CCM2: variants seen among roughly 807,000 people sequenced by gnomAD.
The protein encoded by CCM2 is cerebral cavernous malformations 2 protein.
A neutral mutation model predicts 44.9 loss-of-function variants in CCM2; 25 were observed. The observed-to-expected ratio is 0.56, with a 90% CI of 0.41 to 0.78. The LOEUF is 0.78. Among genes scored for constraint, CCM2 ranks in the 30% least tolerant of loss-of-function variants. The probability of loss-of-function intolerance (pLI) is 0.00; values close to 1 mark genes in which losing one functional copy is unlikely to be tolerated. For missense variants in CCM2, 481 were observed against 580.6 expected (o/e 0.83, Z 1.76); for synonymous variants, 219 against 241.1 (o/e 0.91, Z 0.85).
chr7:45,010,137 C>T (rs984977745), intron 1 of CCM2, among the ~76,000 whole-genome samples: 2 of 152,106 alleles, frequency 1.3e-5, no homozygotes, highest in African/African-American at 4.8e-5. Context: ...TCTTGAATTC[C>T]TGGGCTTAAG....
intron 2 of CCM2, among the ~76,000 whole-genome samples, chr7:45,060,737 A>C (rs558795414): frequency 6.6e-6 from 1 of 152,224 alleles, no homozygotes; most frequent in Non-Finnish European, 1.5e-5. Context: ...TGTTGAAGGC[A>C]GTCCCCATTG....
intron 1 of CCM2, among the ~76,000 whole-genome samples, chr7:45,002,266 T>A (rs1795668814): frequency 6.6e-6 from 1 of 152,194 alleles, no homozygotes; most frequent in Admixed American, 6.5e-5. Flanking sequence ...TCTTCTAAGT[T>A]AGCTTCTTCA....
intron 2 of CCM2, among the ~76,000 whole-genome samples, chr7:45,049,916 TAAC>T (rs1482025889): frequency 6.6e-6 from 1 of 152,230 alleles, no homozygotes; most frequent in Non-Finnish European, 1.5e-5. Context: ...AAATACAGTG[TAAC>T]AACTATTTAC....
chr7:45,073,430 C>T (rs1799182668), intron 7 of CCM2, 30 bp from the exon 8 acceptor site: 5 of 1,551,348 alleles, frequency 3.2e-6, no homozygotes, highest in Non-Finnish European at 3.6e-6. Context: ...TCGGGGAAGC[C>T]ACCCGCTCAC....
At chr7:45,023,820 T>TTTTTTTG (rs1562868388) in intron 1 of CCM2, among the ~76,000 whole-genome samples, 2 of 145,432 alleles carry the variant, frequency 1.4e-5, no homozygotes, top group African/African-American at 5.1e-5. Context: ...TTTTTTTTTT[T>TTTTTTTG]TTTTTATGAG....
chr7:45,006,510 A>T (rs1168955129), intron 1 of CCM2, among the ~76,000 whole-genome samples: 7 of 151,726 alleles, frequency 4.6e-5, no homozygotes, highest in African/African-American at 1.7e-4. Context: ...CACCTGGCTA[A>T]TTTTTTTGTA....
intron 1 of CCM2, among the ~76,000 whole-genome samples, chr7:45,029,915 A>G (rs1449071028): frequency 6.6e-6 from 1 of 152,242 alleles, no homozygotes; most frequent in Non-Finnish European, 1.5e-5. Context: ...TTAACTTTGT[A>G]AGAATTTGTA....
At chr7:45,038,037 G>T (rs757990475) in intron 1 of CCM2, among the ~76,000 whole-genome samples, 24 of 152,194 alleles carry the variant, frequency 1.6e-4, no homozygotes, top group Non-Finnish European at 2.4e-4. Context: ...GCCAGAGGCT[G>T]CATGGCAGCC....
Position 45,004,522 on chromosome 7 carries a change from G to A in CCM2, c.30+4159G>A, listed in dbSNP as rs185656543. On this transcript the variant is annotated intron_variant, in intron 1 of 9. Transcript: ENST00000258781. The stretch of plus-strand genomic sequence containing the variant: ...TAGTCACTGCTGGACCAGTGTCTGT[G>A]AGGAACTGAAAGCTTGGATTGGACC... Among the ~76,000 whole-genome samples the A allele has an allele frequency of 2.7e-3, 414 of 152,246 alleles. 1 individual carries two copies. The highest frequency in any genetic ancestry group is 4.9e-3 in the Non-Finnish European group (335 of 68,000).
rs1034481190 is a variant in CCM2 at position 45,033,660 on chromosome 7, C to A, written c.31-4593C>A. On this transcript the variant is annotated intron_variant, in intron 1 of 9. Coordinates refer to ENST00000258781, the MANE Select transcript of CCM2 (RefSeq NM_031443.4). ...GTGGCTGATGTGAGATTATCCATGT[C>A]TGTGGAGATGCAAGCTTCCGAAAAG... Among the ~76,000 whole-genome samples, 3 of 152,190 alleles carry A rather than the reference C, an allele frequency of 2.0e-5. No homozygotes were observed. In the East Asian group the frequency reaches 5.8e-4, roughly 29 times the overall value.
At chr7:45,038,004 G>A (rs1797306252) in intron 1 of CCM2, among the ~76,000 whole-genome samples, 1 of 152,206 alleles carries the variant, frequency 6.6e-6, no homozygotes, top group South Asian at 2.1e-4. Context: ...TGTAGGAACA[G>A]GTGAAGAACA....
intron 1 of CCM2, among the ~76,000 whole-genome samples, chr7:45,008,680 T>G (rs993053558): frequency 3.3e-5 from 5 of 152,210 alleles, no homozygotes; most frequent in Admixed American, 6.5e-5. Flanking sequence ...ATGTTCTTAA[T>G]GAGATGCCTT....
intron 1 of CCM2, among the ~76,000 whole-genome samples, chr7:45,020,204 G>A (rs553957469): frequency 6.6e-6 from 1 of 152,110 alleles, no homozygotes; most frequent in South Asian, 2.1e-4. Context: ...TTCTTTCAAG[G>A]GTCATATAAA....
chr7:45,032,849 T>C (rs1681680323), intron 1 of CCM2, among the ~76,000 whole-genome samples: 1 of 152,034 alleles, frequency 6.6e-6, no homozygotes, highest in African/African-American at 2.4e-5. Context: ...GAGACCAGCC[T>C]GGCCAACATG....
At chr7:45,060,653 A>T (rs1225315717) in intron 2 of CCM2, among the ~76,000 whole-genome samples, 1 of 150,398 alleles carries the variant, frequency 6.6e-6, no homozygotes, top group African/African-American at 2.5e-5. Context: ...TTTGCTTTTC[A>T]TGTTTGGAAG....
intron 1 of CCM2, among the ~76,000 whole-genome samples, chr7:45,029,880 T>C (rs1364870931): frequency 6.6e-6 from 1 of 152,246 alleles, no homozygotes; most frequent in Non-Finnish European, 1.5e-5. Flanking sequence ...TTTCCAACTT[T>C]AAGAGTTGTT....
intron 1 of CCM2, among the ~76,000 whole-genome samples, chr7:45,007,190 T>A (rs988977656): frequency 3.3e-5 from 5 of 152,146 alleles, no homozygotes; most frequent in African/African-American, 7.2e-5. Context: ...CACAGCACAC[T>A]CTTTGTGGTT....
intron 2 of CCM2, among the ~76,000 whole-genome samples, chr7:45,050,883 G>C (rs1351058508): frequency 3.9e-5 from 6 of 152,172 alleles, no homozygotes; most frequent in Middle Eastern, 3.2e-3. Flanking sequence ...TCTGTAAAGG[G>C]CATGCTCAAG....
At chr7:45,006,157 GA>G (rs150452270) in intron 1 of CCM2, among the ~76,000 whole-genome samples, 3,424 of 151,862 alleles carry the variant, frequency 0.023, 133 homozygotes, top group African/African-American at 0.078. Flanking sequence ...CAAATGTAAA[GA>G]AAAAAAATCA....
Sources: allele counts gnomAD v4.1 joint callset (sites outside exome capture counted in the v4.1 genomes callset), GRCh38; gene constraint gnomAD v4.1.1; transcripts MANE v1.5; gene names NCBI Gene and HGNC (gene_info 2026-07-23, HGNC 2026-07-21).